The following C11orf65 variants were observed in gnomAD, a reference collection of about 807,000 sequenced individuals.
The protein encoded by C11orf65 is protein MFI.
Under a neutral mutation model 35.3 loss-of-function variants are expected in C11orf65, and 38 were observed. That is an observed-to-expected ratio of 1.08 (90% CI 0.83 to 1.41). C11orf65 has a LOEUF of 1.41. Ranked by LOEUF, C11orf65 falls within the 40% of genes most tolerant of loss-of-function variation. C11orf65 has a pLI of 0.00. For missense variants in C11orf65, 370 were observed against 367.1 expected (o/e 1.01, Z -0.06); for synonymous variants, 105 against 114.4 (o/e 0.92, Z 0.53).
chr11:108,344,283 T>G (rs2087999787), intron 2 of C11orf65, among the ~76,000 whole-genome samples: 1 of 152,150 alleles, frequency 6.6e-6, no homozygotes, highest in Admixed American at 6.5e-5. Flanking sequence ...CAAGAAATGC[T>G]TCACAGAGGA....
rs1555124575 is a variant in C11orf65 at position 108,331,955 on chromosome 11, A to G, written c.300-388T>C. ...CTGGCCTTAGCAAATGCAAACAGAG[A>G]TGAATTTCTGACTAAACCAGAGGTA... On this transcript the variant is annotated intron_variant, in intron 3 of 3. Transcript: ENST00000524755. 1.9e-6 allele frequency: 3 copies of G among 1,614,066 alleles called. No individual in the cohort carries two copies. In the South Asian group the frequency reaches 3.3e-5, roughly 18 times the overall value.
chr11:108,364,060 A>G (rs563671773), intron 2 of C11orf65, among the ~76,000 whole-genome samples: 105 of 152,322 alleles, frequency 6.9e-4, no homozygotes, highest in African/African-American at 1.4e-3. Flanking sequence ...GTTTCTCCAC[A>G]GTATTTAATG....
At chr11:108,374,752 A>G (rs867110853) in intron 2 of C11orf65, among the ~76,000 whole-genome samples, 75 of 152,228 alleles carry the variant, frequency 4.9e-4, no homozygotes, top group African/African-American at 1.2e-3. Context: ...AAATTTAGAC[A>G]AATGTATAAC....
At chr11:108,426,321 T>A (rs2092902203) in intron 3 of C11orf65, among the ~76,000 whole-genome samples, 1 of 152,126 alleles carries the variant, frequency 6.6e-6, no homozygotes. Flanking sequence ...ACAATCAATC[T>A]GCAAAAATCA....
rs3092838 is a variant in C11orf65 at position 108,367,797 on chromosome 11, T to C, written c.226+25411A>G. 285 of 213,126 alleles carry C rather than the reference T, an allele frequency of 1.3e-3. 1 individual carries two copies. The highest frequency in any genetic ancestry group is 6.2e-3 in the African/African-American group (273 of 44,310). 13.2% of individuals were successfully genotyped at this position (213,126 alleles called of 1,614,324 possible). A position where few individuals can be genotyped will look rare whatever the true frequency, so the allele number is the denominator to read the frequency against. Reference sequence around the variant, plus strand: ...GACTTCTGGAGAACTGTTCAGAATATTACTTTGCATTTCAAATTACAAACT... The same window carrying C: ...GACTTCTGGAGAACTGTTCAGAATACTACTTTGCATTTCAAATTACAAACT... On this transcript the variant is annotated intron_variant, in intron 2 of 3. Coordinates refer to the C11orf65 transcript ENST00000524755.
Position 108,413,529 on chromosome 11 carries a change from C to T in C11orf65, c.175-6380G>A, listed in dbSNP as rs115617992. Among the ~76,000 whole-genome samples, 910 of 152,226 alleles carry T rather than the reference C, an allele frequency of 6.0e-3. 10 individuals carry two copies. The highest frequency in any genetic ancestry group is 0.021 in the African/African-American group (859 of 41,540). Reference sequence around the variant, plus strand: ...GAATGCCTTTTATTTCTTTCTCTTGCCTGATTGTGCTGGCTAGGACTTCAG... The same window carrying T: ...GAATGCCTTTTATTTCTTTCTCTTGTCTGATTGTGCTGGCTAGGACTTCAG... On this transcript the variant is annotated intron_variant, in intron 3 of 8. Coordinates refer to ENST00000393084, the MANE Select transcript of C11orf65 (RefSeq NM_152587.5).
chr11:108,468,764 C>T (rs907935870), upstream of C11orf65, among the ~76,000 whole-genome samples: 1 of 152,000 alleles, frequency 6.6e-6, no homozygotes, highest in Non-Finnish European at 1.5e-5. Flanking sequence ...GTCATGGAAA[C>T]ATTATGTATA....
At chr11:108,312,991 A>T (rs2084305249) in intron 6 of C11orf65, among the ~76,000 whole-genome samples, 1 of 151,822 alleles carries the variant, frequency 6.6e-6, no homozygotes, top group Admixed American at 6.6e-5. Context: ...TTCTGCTTAA[A>T]CCTCTCATCT....
chr11:108,366,366 A>G, intron 2 of C11orf65: 1 of 214,462 alleles, frequency 4.7e-6, no homozygotes. Context: ...ATCATTTTTC[A>G]GATCTCTGTT....
intron 2 of C11orf65, chr11:108,365,711 T>G (rs2091275853): frequency 5.8e-6 from 4 of 695,642 alleles, no homozygotes; most frequent in Non-Finnish European, 9.3e-6. Context: ...GCTTTCACTC[T>G]TTAGAAATAA....
chr11:108,331,124 G>A (rs2086192066), downstream of C11orf65: 2 of 1,045,038 alleles, frequency 1.9e-6, no homozygotes. Context: ...TGACTTCTCA[G>A]GAATCAAGAT....
intron 2 of C11orf65, among the ~76,000 whole-genome samples, chr11:108,364,668 A>G (rs1157916396): frequency 6.6e-6 from 1 of 152,166 alleles, no homozygotes; most frequent in Non-Finnish European, 1.5e-5. Context: ...AGGTCCAAAT[A>G]GGCTTGCTGG....
chr11:108,373,970 C>T (rs1004510588), intron 2 of C11orf65, among the ~76,000 whole-genome samples: 5 of 152,184 alleles, frequency 3.3e-5, no homozygotes, highest in East Asian at 1.9e-4. Context: ...GCGAGGCTGG[C>T]GGAGGGGCAC....
chr11:108,426,154 C>T (rs1302145683), intron 3 of C11orf65, among the ~76,000 whole-genome samples: 1 of 152,094 alleles, frequency 6.6e-6, no homozygotes, highest in East Asian at 1.9e-4. Flanking sequence ...CCAGGGCAAT[C>T]AGGCAAGAGA....
intron 2 of C11orf65, among the ~76,000 whole-genome samples, chr11:108,372,939 G>T (rs993104310): frequency 2.0e-5 from 3 of 152,084 alleles, no homozygotes; most frequent in Admixed American, 2.0e-4. Context: ...AATTAGCTGG[G>T]TGTAGTGGCA....
intron 6 of C11orf65, among the ~76,000 whole-genome samples, chr11:108,313,603 C>G (rs990160289): frequency 1.3e-5 from 2 of 152,166 alleles, no homozygotes; most frequent in African/African-American, 2.4e-5. Flanking sequence ...TGATTTTTCT[C>G]CTTTCACTTT....
intron 2 of C11orf65, among the ~76,000 whole-genome samples, chr11:108,349,410 A>G (rs960733848): frequency 2.6e-5 from 4 of 152,164 alleles, no homozygotes; most frequent in African/African-American, 7.2e-5. Flanking sequence ...CACACCTGTA[A>G]TCCCAACACT....
At chr11:108,354,238 C>T (rs555422678) in intron 2 of C11orf65, among the ~76,000 whole-genome samples, 3 of 152,114 alleles carry the variant, frequency 2.0e-5, no homozygotes, top group Non-Finnish European at 4.4e-5. Flanking sequence ...GGGACCTAAG[C>T]CCATGTAACA....
rs368055107 is a variant in C11orf65, at chr11:108,461,073, T to C, written c.81+406A>G. 3.5e-3 allele frequency among the ~76,000 whole-genome samples: 527 copies of C among 152,002 alleles called. 2 individuals carry two copies. Among genetic ancestry groups the C allele is most frequent in the African/African-American group, 0.012 (502 of 41,480 alleles). On this transcript the variant is annotated intron_variant, in intron 2 of 8. Transcript: ENST00000393084. Reference sequence around the variant, plus strand: ...AGAATGGCACACAATTCTGCAAGTATACTAAAAGCTACTGAATTGTACACT... The same window carrying C: ...AGAATGGCACACAATTCTGCAAGTACACTAAAAGCTACTGAATTGTACACT...
Sources: allele counts gnomAD v4.1 joint callset (sites outside exome capture counted in the v4.1 genomes callset), GRCh38; gene constraint gnomAD v4.1.1; transcripts MANE v1.5; gene names NCBI Gene and HGNC (gene_info 2026-07-23, HGNC 2026-07-21).